The following GRID2 variants were observed in gnomAD, a reference collection of about 807,000 sequenced individuals.
GRID2 encodes glutamate receptor ionotropic, delta-2.
GRID2 carries 33 observed loss-of-function variants against 114.8 expected under a neutral mutation model. The observed-to-expected ratio is 0.29, with a 90% CI of 0.22 to 0.38. The LOEUF (loss-of-function observed/expected upper bound fraction) is 0.38. Ranked by LOEUF, GRID2 falls within the 10% of genes least tolerant of loss-of-function variation. The pLI, the probability that GRID2 is intolerant of heterozygous loss-of-function variation, is 1.00. For synonymous variants in GRID2, 505 were observed against 449.9 expected, an observed-to-expected ratio of 1.12 and a Z score of -1.55; for missense variants, 1,184 against 1,257.7, an observed-to-expected ratio of 0.94 and a Z score of 0.89.
intron 8 of GRID2, among the ~76,000 whole-genome samples, chr4:93,249,267 T>C (rs1261439158): frequency 6.6e-6 from 1 of 152,314 alleles, no homozygotes; most frequent in Non-Finnish European, 1.5e-5. Context: ...CTGTTTTGGT[T>C]ACTGTAAACT....
At chr4:93,378,652 A>T (rs1193908152) in intron 8 of GRID2, among the ~76,000 whole-genome samples, 1 of 152,122 alleles carries the variant, frequency 6.6e-6, no homozygotes, top group East Asian at 1.9e-4. Context: ...GATACTTCTC[A>T]GTAAGATTAG....
chr4:93,511,932 C>G (rs2149487143), intron 12 of GRID2, among the ~76,000 whole-genome samples: 1 of 152,130 alleles, frequency 6.6e-6, no homozygotes, highest in East Asian at 1.9e-4. Flanking sequence ...CAGGTGCATG[C>G]CACCACATCC....
chr4:92,529,890 T>C (rs1242093870), intron 1 of GRID2, among the ~76,000 whole-genome samples: 2 of 151,962 alleles, frequency 1.3e-5, no homozygotes, highest in Non-Finnish European at 2.9e-5. Flanking sequence ...CGGAGAATAG[T>C]AAAAAGCTTT....
intron 8 of GRID2, among the ~76,000 whole-genome samples, chr4:93,251,348 A>G (rs1482077676): frequency 6.6e-6 from 1 of 152,122 alleles, no homozygotes; most frequent in East Asian, 1.9e-4. Flanking sequence ...ATGCACAAAA[A>G]TTTTTGAAGC....
intron 15 of GRID2, among the ~76,000 whole-genome samples, chr4:93,770,210 G>A (rs1733998399): frequency 6.6e-6 from 1 of 152,142 alleles, no homozygotes; most frequent in African/African-American, 2.4e-5. Context: ...TTGGACTAAA[G>A]GGGTGAAAAT....
chr4:92,612,424 G>T, intron 2 of GRID2, among the ~76,000 whole-genome samples: 1 of 151,146 alleles, frequency 6.6e-6, no homozygotes, highest in East Asian at 2.0e-4. Context: ...ACTTATTTTT[G>T]GTTATTGAGT....
intron 1 of GRID2, among the ~76,000 whole-genome samples, chr4:92,530,493 T>A (rs1725283709): frequency 1.7e-5 from 2 of 115,358 alleles, no homozygotes; most frequent in African/African-American, 6.9e-5. Context: ...CACAAAAAAG[T>A]GAGTGACTAG....
At chr4:92,605,573 T>C (rs750485537) in intron 2 of GRID2, among the ~76,000 whole-genome samples, 1 of 152,064 alleles carries the variant, frequency 6.6e-6, no homozygotes, top group Non-Finnish European at 1.5e-5. Context: ...AAGATGATGA[T>C]GATGGATGCC....
chr4:92,590,690 C>G (rs1380756588), intron 2 of GRID2, among the ~76,000 whole-genome samples: 1 of 152,072 alleles, frequency 6.6e-6, no homozygotes, highest in Non-Finnish European at 1.5e-5. Flanking sequence ...GACAAATGTA[C>G]TGCTGAAAGA....
At chr4:93,702,840 G>C (rs1481088779) in intron 14 of GRID2, among the ~76,000 whole-genome samples, 1 of 152,110 alleles carries the variant, frequency 6.6e-6, no homozygotes, top group Non-Finnish European at 1.5e-5. Flanking sequence ...GCATTCTAAT[G>C]TGGGGAGACA....
intron 2 of GRID2, among the ~76,000 whole-genome samples, chr4:92,671,397 C>A (rs1733065096): frequency 6.6e-6 from 1 of 152,018 alleles, no homozygotes; most frequent in South Asian, 2.1e-4. Context: ...CTAGCCAATA[C>A]CCACTCTAGA....
chr4:92,709,006 G>T (rs1330346946), intron 2 of GRID2, among the ~76,000 whole-genome samples: 1 of 152,136 alleles, frequency 6.6e-6, no homozygotes, highest in Non-Finnish European at 1.5e-5. Context: ...CTTGGGCCAG[G>T]AAATAGAACT....
intron 1 of GRID2, among the ~76,000 whole-genome samples, chr4:93,799,228 T>A (rs2110365161): frequency 6.6e-6 from 1 of 152,296 alleles, no homozygotes; most frequent in Non-Finnish European, 1.5e-5. Context: ...GTACCATGGG[T>A]ATTGTATTTA....
At chr4:93,627,117 T>G (rs562100852) in intron 14 of GRID2, among the ~76,000 whole-genome samples, 1 of 152,212 alleles carries the variant, frequency 6.6e-6, no homozygotes, top group Non-Finnish European at 1.5e-5. Context: ...CAAAGATTAC[T>G]GCATTTCATT....
At chr4:92,620,099 ATC>A (rs1387551471) in intron 2 of GRID2, among the ~76,000 whole-genome samples, 1 of 151,790 alleles carries the variant, frequency 6.6e-6, no homozygotes, top group Non-Finnish European at 1.5e-5. Context: ...CTGGAATACT[ATC>A]TATTTTGAGG....
At chr4:92,586,425 A>G (rs1253431782) in intron 1 of GRID2, among the ~76,000 whole-genome samples, 1 of 151,668 alleles carries the variant, frequency 6.6e-6, no homozygotes, top group Non-Finnish European at 1.5e-5. Flanking sequence ...GCATATATCT[A>G]TTAGGTTAAA....
At chr4:92,644,594 C>T (rs1731521294) in intron 2 of GRID2, among the ~76,000 whole-genome samples, 1 of 151,650 alleles carries the variant, frequency 6.6e-6, no homozygotes, top group African/African-American at 2.4e-5. Flanking sequence ...GTTCCTTGAA[C>T]AAATTATATG....
At chr4:93,238,606 A>T in intron 8 of GRID2, 116 bp downstream of exon 8, 1 of 709,318 alleles carries the variant, frequency 1.4e-6, no homozygotes. Flanking sequence ...TGTGAAAGAG[A>T]AAGCAGGGGG....
intron 11 of GRID2, among the ~76,000 whole-genome samples, chr4:93,463,814 C>A (rs982664211): frequency 6.6e-6 from 1 of 151,868 alleles, no homozygotes; most frequent in Admixed American, 6.6e-5. Context: ...ATGGTGAAAC[C>A]CTGTCTCTAC....
Sources: gnomAD v4.1 joint callset for allele counts (sites outside exome capture counted in the v4.1 genomes callset) on GRCh38, gnomAD v4.1.1 for gene constraint, MANE v1.5 for transcripts, NCBI Gene and HGNC (gene_info 2026-07-23, HGNC 2026-07-21) for gene names.